The following KIZ variants were observed in gnomAD, a reference collection of about 807,000 sequenced individuals.
The protein encoded by KIZ is centrosomal protein kizuna.
Under a neutral mutation model 79.6 loss-of-function variants are expected in KIZ, and 68 were observed. That is an observed-to-expected ratio of 0.85 (90% confidence interval 0.70 to 1.05). The LOEUF (loss-of-function observed/expected upper bound fraction) is 1.05. Ranked by LOEUF, KIZ falls within the 50% of genes least tolerant of loss-of-function variation. The probability of loss-of-function intolerance (pLI) is 0.00; values close to 1 mark genes in which losing one functional copy is unlikely to be tolerated. For synonymous variants in KIZ, 280 were observed against 281.8 expected (o/e 0.99, Z 0.06); for missense variants, 797 against 800.4 (o/e 1.00, Z 0.05).
chr20:21,173,681 G>A (rs1181574550), intron 6 of KIZ, among the ~76,000 whole-genome samples: 1 of 151,912 alleles, frequency 6.6e-6, no homozygotes, highest in Non-Finnish European at 1.5e-5. Context: ...TTTGGGGACA[G>A]AGTGAGTTAT....
intron 6 of KIZ, among the ~76,000 whole-genome samples, chr20:21,176,233 C>G (rs373902863): frequency 6.6e-6 from 1 of 152,100 alleles, no homozygotes; most frequent in Admixed American, 6.6e-5. Flanking sequence ...TTGCCTGAAC[C>G]TGGGAGGCAG....
intron 4 of KIZ, among the ~76,000 whole-genome samples, chr20:21,160,484 C>G (rs1365808075): frequency 1.3e-5 from 2 of 152,168 alleles, no homozygotes; most frequent in Non-Finnish European, 2.9e-5. Flanking sequence ...TTTTCTCTCT[C>G]TCTCTGCCTG....
chr20:21,174,372 G>T (rs187150285), intron 6 of KIZ, among the ~76,000 whole-genome samples: 21 of 152,176 alleles, frequency 1.4e-4, no homozygotes, highest in Non-Finnish European at 2.5e-4. Context: ...CTCCAAACTG[G>T]CCCTCTGTGA....
chr20:21,225,597 G>T (rs2036630521), intron 9 of KIZ, among the ~76,000 whole-genome samples: 1 of 152,138 alleles, frequency 6.6e-6, no homozygotes, highest in South Asian at 2.1e-4. Flanking sequence ...TGAACTTCTA[G>T]AGTCATTACT....
chr20:21,126,447 G>A (rs1021239513), intron 1 of KIZ, among the ~76,000 whole-genome samples: 5 of 152,136 alleles, frequency 3.3e-5, no homozygotes, highest in African/African-American at 1.2e-4. Context: ...GCTAAAGCCT[G>A]GTCTACGGTT....
intron 10 of KIZ, among the ~76,000 whole-genome samples, chr20:21,229,565 TATTTTATTTTATTTC>T (rs1228576839): frequency 6.6e-6 from 1 of 152,110 alleles, no homozygotes; most frequent in Non-Finnish European, 1.5e-5. Context: ...TATTTTATTT[TATTTTATTTTATTTC>T]ATTTTATTTT....
At chr20:21,243,476 G>C (rs1017959026) in intron 11 of KIZ, among the ~76,000 whole-genome samples, 49 of 152,238 alleles carry the variant, frequency 3.2e-4, no homozygotes, top group South Asian at 1.5e-3. Flanking sequence ...GCAAAGTGTC[G>C]AGCCATGCAC....
chr20:21,181,318 G>C (rs539846507), intron 6 of KIZ, among the ~76,000 whole-genome samples: 1 of 152,282 alleles, frequency 6.6e-6, no homozygotes, highest in East Asian at 1.9e-4. Context: ...CCAATGGCAA[G>C]GGTTCTATTG....
chr20:21,145,478 T>C (rs2122505487), intron 3 of KIZ, 87 bp from the exon 4 acceptor site: 2 of 457,556 alleles, frequency 4.4e-6, no homozygotes, highest in South Asian at 7.7e-5. Context: ...ACTTCAATGC[T>C]CCCTGTATGT....
At chr20:21,178,681 C>A (rs530061690) in intron 6 of KIZ, among the ~76,000 whole-genome samples, 19 of 152,234 alleles carry the variant, frequency 1.2e-4, no homozygotes, top group African/African-American at 4.3e-4. Context: ...CAGCTTTCAC[C>A]ATTGAGTATG....
intron 9 of KIZ, among the ~76,000 whole-genome samples, chr20:21,225,227 G>A (rs962182100): frequency 6.6e-6 from 1 of 152,138 alleles, no homozygotes; most frequent in Non-Finnish European, 1.5e-5. Flanking sequence ...AAATCTTGAC[G>A]CAGATTTGAG....
chr20:21,186,318 A>C (rs1397695969), intron 6 of KIZ, among the ~76,000 whole-genome samples: 1 of 151,954 alleles, frequency 6.6e-6, no homozygotes, highest in Non-Finnish European at 1.5e-5. Context: ...CACACATCAC[A>C]TGGACATATG....
intron 6 of KIZ, among the ~76,000 whole-genome samples, chr20:21,199,936 A>C (rs1568969406): frequency 1.3e-5 from 2 of 152,290 alleles, no homozygotes; most frequent in South Asian, 4.1e-4. Flanking sequence ...CTTGTGCCTC[A>C]GCCTCCTGAG....
chr20:21,128,741 G>A (rs528384938), intron 1 of KIZ, among the ~76,000 whole-genome samples: 18 of 152,220 alleles, frequency 1.2e-4, no homozygotes, highest in African/African-American at 4.1e-4. Context: ...TGGCTCTTAC[G>A]GTTATACAAA....
At chr20:21,210,819 G>C (rs1419416709) in intron 7 of KIZ, among the ~76,000 whole-genome samples, 1 of 148,946 alleles carries the variant, frequency 6.7e-6, no homozygotes, top group Admixed American at 6.7e-5. Context: ...AATTTTTTTT[G>C]TTAATTTGAC....
upstream of KIZ, chr20:21,125,989 T>C: frequency 7.7e-7 from 1 of 1,306,420 alleles, no homozygotes; most frequent in Non-Finnish European, 9.8e-7. Flanking sequence ...CCACGGCGTC[T>C]TGCCCCGCCT....
chr20:21,171,889 T>G (rs1370569595), intron 6 of KIZ, among the ~76,000 whole-genome samples: 1 of 152,240 alleles, frequency 6.6e-6, no homozygotes, highest in Admixed American at 6.5e-5. Flanking sequence ...AGAAATTATG[T>G]GTAGGTGCCC....
At chr20:21,150,922 G>A (rs960239304) in intron 4 of KIZ, 1 of 152,200 alleles carries the variant, frequency 6.6e-6, no homozygotes, top group Admixed American at 6.5e-5. Context: ...GAGGGCAGAT[G>A]ACATTTGGAC....
At chr20:21,226,777 C>T (rs2036669638) in intron 9 of KIZ, among the ~76,000 whole-genome samples, 1 of 152,202 alleles carries the variant, frequency 6.6e-6, no homozygotes. Context: ...AGCCTGATCT[C>T]GCCAGCCCTT....
Sources: gnomAD v4.1 joint callset for allele counts (sites outside exome capture counted in the v4.1 genomes callset) on GRCh38, gnomAD v4.1.1 for gene constraint, MANE v1.5 for transcripts, NCBI Gene and HGNC (gene_info 2026-07-23, HGNC 2026-07-21) for gene names.